The following FAM53B variants were observed in gnomAD, a reference collection of about 807,000 sequenced individuals.
The protein encoded by FAM53B is protein FAM53B.
Under a neutral mutation model 32.7 loss-of-function variants are expected in FAM53B, and 12 were observed. The observed-to-expected ratio is 0.37, with a 90% CI of 0.24 to 0.59. The LOEUF (loss-of-function observed/expected upper bound fraction) is 0.59, where lower values mean the gene tolerates loss of function less well. Ranked by LOEUF, FAM53B falls within the 20% of genes least tolerant of loss-of-function variation. The pLI is 0.72. For missense variants in FAM53B, 477 were observed against 577.7 expected, an observed-to-expected ratio of 0.83 and a Z score of 1.79; for synonymous variants, 234 against 228.7, an observed-to-expected ratio of 1.02 and a Z score of -0.21.
intron 1 of FAM53B, chr10:124,742,681 C>T (rs998467106): frequency 1.3e-5 from 2 of 152,312 alleles, no homozygotes; most frequent in African/African-American, 2.4e-5. Context: ...CTTTTCTCCA[C>T]CATCCAACAA....
At chr10:124,718,634 C>A (rs1950050413) in intron 1 of FAM53B, among the ~76,000 whole-genome samples, 1 of 152,264 alleles carries the variant, frequency 6.6e-6, no homozygotes, top group Non-Finnish European at 1.5e-5. Context: ...ACTCCCACCA[C>A]CAGCCACAGC....
chr10:124,647,603 G>A (rs1010115582), intron 4 of FAM53B, among the ~76,000 whole-genome samples: 60 of 152,208 alleles, frequency 3.9e-4, no homozygotes, highest in African/African-American at 1.4e-3. Context: ...GGCAGCTGAG[G>A]CTCAGGGAGG....
intron 4 of FAM53B, among the ~76,000 whole-genome samples, chr10:124,650,615 C>T (rs1472650335): frequency 6.6e-6 from 1 of 152,156 alleles, no homozygotes; most frequent in Non-Finnish European, 1.5e-5. Context: ...TTTACCTGGC[C>T]AGAGCACAGC....
intron 1 of FAM53B, among the ~76,000 whole-genome samples, chr10:124,728,282 T>C (rs968893950): frequency 6.6e-5 from 10 of 152,124 alleles, no homozygotes; most frequent in African/African-American, 1.9e-4. Context: ...TTCCCACCCA[T>C]GGACTTGGAG....
At chr10:124,701,949 C>T (rs974045131) in intron 2 of FAM53B, among the ~76,000 whole-genome samples, 1 of 152,174 alleles carries the variant, frequency 6.6e-6, no homozygotes, top group African/African-American at 2.4e-5. Context: ...GGCATGAACC[C>T]CTAAGAAGGC....
chr10:124,723,406 C>T (rs1212774551), intron 1 of FAM53B, among the ~76,000 whole-genome samples: 2 of 152,224 alleles, frequency 1.3e-5, no homozygotes, highest in East Asian at 1.9e-4. Context: ...TCCTGATTCA[C>T]GGAGGGGCTG....
chr10:124,692,700 G>A (rs1269678127), intron 3 of FAM53B, among the ~76,000 whole-genome samples: 5 of 115,156 alleles, frequency 4.3e-5, no homozygotes, highest in Admixed American at 2.5e-4. Context: ...AGGAGACAGA[G>A]CGATACTCCA....
chr10:124,665,481 GC>G (rs1293473483), intron 4 of FAM53B, among the ~76,000 whole-genome samples: 1 of 152,228 alleles, frequency 6.6e-6, no homozygotes, highest in Non-Finnish European at 1.5e-5. Flanking sequence ...AGGAGCCAGT[GC>G]TAGGCCCTGC....
Position 124,664,356 on chromosome 10 carries a change from G to A in FAM53B, c.906+17251C>T, listed in dbSNP as rs115215097. On this transcript the variant is annotated intron_variant, in intron 4 of 4. Coordinates refer to ENST00000337318, the MANE Select transcript of FAM53B (RefSeq NM_014661.4). ...AAAACCCCAGCCAAAGCAGGCCTCC[G>A]GGGCCAAAAGCCAATGGTGGCTGGT... is the stretch of plus-strand genomic sequence containing the variant. Among the ~76,000 whole-genome samples, 121 of 152,320 alleles carry A rather than the reference G, an allele frequency of 7.9e-4. 1 individual carries two copies. Among genetic ancestry groups the A allele is most frequent in the African/African-American group, 2.8e-3 (117 of 41,566 alleles).
chr10:124,710,240 G>A (rs888908799), intron 1 of FAM53B, among the ~76,000 whole-genome samples: 1 of 152,246 alleles, frequency 6.6e-6, no homozygotes, highest in African/African-American at 2.4e-5. Context: ...GCTCCCAAAG[G>A]AGGTTAGAAG....
intron 4 of FAM53B, among the ~76,000 whole-genome samples, chr10:124,634,335 T>G (rs772154319): frequency 6.6e-6 from 1 of 152,206 alleles, no homozygotes; most frequent in Non-Finnish European, 1.5e-5. Flanking sequence ...TCCATTGATA[T>G]GAAATGTCCA....
At chr10:124,643,602 CCTTT>C (rs1276288306) in intron 4 of FAM53B, among the ~76,000 whole-genome samples, 1 of 152,254 alleles carries the variant, frequency 6.6e-6, no homozygotes, top group Non-Finnish European at 1.5e-5. Context: ...AGCCTGTGGG[CCTTT>C]CTCTCTCTTG....
At chr10:124,660,567 C>T in intron 4 of FAM53B, among the ~76,000 whole-genome samples, 1 of 152,258 alleles carries the variant, frequency 6.6e-6, no homozygotes, top group East Asian at 1.9e-4. Context: ...GAAGGGCCCA[C>T]TCGAGGCCAA....
chr10:124,650,237 G>A (rs1037214934), intron 4 of FAM53B, among the ~76,000 whole-genome samples: 3 of 152,182 alleles, frequency 2.0e-5, no homozygotes, highest in Admixed American at 2.0e-4. Flanking sequence ...TCCCTCCAAG[G>A]AAGGACTCTC....
intron 2 of FAM53B, among the ~76,000 whole-genome samples, chr10:124,705,380 A>C (rs1456353659): frequency 1.3e-5 from 2 of 152,234 alleles, no homozygotes; most frequent in Admixed American, 6.5e-5. Flanking sequence ...TAAAACAAGG[A>C]GGCTGGACCC....
At chr10:124,740,909 C>G (rs1950195794) in intron 1 of FAM53B, among the ~76,000 whole-genome samples, 1 of 152,182 alleles carries the variant, frequency 6.6e-6, no homozygotes, top group African/African-American at 2.4e-5. Flanking sequence ...CAGCTCCGGC[C>G]ATGTGCTTTG....
At chr10:124,723,346 T>C (rs1219788112) in intron 1 of FAM53B, among the ~76,000 whole-genome samples, 1 of 152,118 alleles carries the variant, frequency 6.6e-6, no homozygotes, top group Non-Finnish European at 1.5e-5. Context: ...TTGCAGGGGG[T>C]TTCCGATAGC....
chr10:124,644,347 G>A (rs936748651), intron 4 of FAM53B, among the ~76,000 whole-genome samples: 25 of 152,276 alleles, frequency 1.6e-4, no homozygotes, highest in African/African-American at 5.1e-4. Flanking sequence ...GCCCCTTCAC[G>A]TCCTCTGCCA....
In FAM53B at chr10:124,623,422, G is replaced by A. The variant is rs778204357; in HGVS notation, c.1089C>T (p.Phe363=). 16 of 1,606,094 alleles carry A rather than the reference G, an allele frequency of 1.0e-5. No homozygotes were observed. The highest frequency in any genetic ancestry group is 4.4e-5 in the South Asian group (4 of 90,474). ...CCTCCTGGCAGGCGAGGTGGTCGTC[G>A]AAGGAAGGGGGAAGAGGCTCAGGGA... is the stretch of plus-strand genomic sequence containing the variant. The part of the protein sequence containing the change: ...TPVPEPLPPS[F]DDHLACQEDL... Residue 363 remains phenylalanine, a synonymous_variant, in exon 5 of 5, where the codon TTC becomes TTT. Transcript: ENST00000337318.
Sources: allele counts gnomAD v4.1 joint callset (sites outside exome capture counted in the v4.1 genomes callset), GRCh38; gene constraint gnomAD v4.1.1; transcripts MANE v1.5; gene names NCBI Gene and HGNC (gene_info 2026-07-23, HGNC 2026-07-21).